The following MYT1L variants were observed in gnomAD, a reference collection of about 807,000 sequenced individuals.
The protein encoded by MYT1L is myelin transcription factor 1-like protein.
MYT1L carries 12 observed loss-of-function variants against 126.7 expected under a neutral mutation model. That is an observed-to-expected ratio of 0.09 (90% confidence interval 0.06 to 0.15). MYT1L has a LOEUF of 0.15. Ranked by LOEUF, MYT1L falls within the 10% of genes least tolerant of loss-of-function variation. MYT1L has a pLI of 1.00. For missense variants in MYT1L, 979 were observed against 1,585.2 expected, an observed-to-expected ratio of 0.62 and a Z score of 6.49; for synonymous variants, 541 against 604.2, an observed-to-expected ratio of 0.90 and a Z score of 1.53.
At chr2:2,231,065 A>G (rs1266853217) in intron 2 of MYT1L, among the ~76,000 whole-genome samples, 1 of 152,202 alleles carries the variant, frequency 6.6e-6, no homozygotes, top group Non-Finnish European at 1.5e-5. Context: ...ACTTCAAAAT[A>G]GGAATCAACA....
intron 2 of MYT1L, among the ~76,000 whole-genome samples, chr2:2,237,809 T>C (rs2094354573): frequency 3.3e-5 from 5 of 152,220 alleles, no homozygotes; most frequent in Admixed American, 3.3e-4. Flanking sequence ...AGATGGCATC[T>C]GCACCTGGGT....
intron 1 of MYT1L, among the ~76,000 whole-genome samples, chr2:2,316,616 C>A (rs2096068484): frequency 6.6e-6 from 1 of 152,170 alleles, no homozygotes; most frequent in East Asian, 1.9e-4. Context: ...GCAGAGCTGC[C>A]ACGGCACGTA....
At position 1,791,986 on chromosome 2, in the gene MYT1L, A is replaced by C; in HGVS notation, c.3442T>G (p.Phe1148Val). ...GTCAAAGTAGTCACGTAAGCATCAAAATTTTGTTCATTGATTGGATCCTAC... is the reference window on the plus strand; with the variant it reads ...GTCAAAGTAGTCACGTAAGCATCAACATTTTGTTCATTGATTGGATCCTAC... ...PHMDPINEQNFDAYVTTLTEM... is the reference protein window; with the variant it reads ...PHMDPINEQNVDAYVTTLTEM... Residue 1148 changes from phenylalanine (F) to valine (V), a missense_variant, in exon 25 of 25, where the codon TTT (phenylalanine) becomes GTT (valine). Around this residue, in one of 12 missense-constraint regions of MYT1L, gnomAD observed 179 missense variants for 398.6 expected, o/e 0.45. Coordinates refer to ENST00000647738, the MANE Select transcript of MYT1L (RefSeq NM_001303052.2). The surrounding 1 kb of genome is among the most constrained non-coding windows in gnomAD (Gnocchi z 6.0). 1 of 1,603,312 alleles carries C rather than the reference A, an allele frequency of 6.2e-7. No homozygotes were observed. The highest frequency in any genetic ancestry group is 2.2e-5 in the East Asian group (1 of 44,828).
At chr2:2,246,517 G>T (rs999960687) in intron 2 of MYT1L, among the ~76,000 whole-genome samples, 15 of 152,264 alleles carry the variant, frequency 9.9e-5, no homozygotes, top group Non-Finnish European at 1.2e-4. Flanking sequence ...CATGAGACAG[G>T]GGTCCCTGTA....
At chr2:1,865,803 C>T (rs1172692685) in intron 18 of MYT1L, among the ~76,000 whole-genome samples, 1 of 152,104 alleles carries the variant, frequency 6.6e-6, no homozygotes, top group Non-Finnish European at 1.5e-5. Flanking sequence ...TAGACGACCC[C>T]ATGAGAAGAG....
chr2:1,819,486 C>T (rs1417417517), intron 21 of MYT1L, among the ~76,000 whole-genome samples: 3 of 152,226 alleles, frequency 2.0e-5, no homozygotes, highest in Non-Finnish European at 4.4e-5. Context: ...CCAGACCATA[C>T]AGTCAGAAAA....
chr2:2,314,988 A>T (rs886261069), intron 1 of MYT1L, among the ~76,000 whole-genome samples: 4 of 152,220 alleles, frequency 2.6e-5, no homozygotes, highest in South Asian at 2.1e-4. Context: ...AGAAAATTGA[A>T]ACTGGACCCC....
intron 3 of MYT1L, among the ~76,000 whole-genome samples, chr2:2,163,067 T>C (rs2088291346): frequency 1.3e-5 from 2 of 152,214 alleles, no homozygotes; most frequent in African/African-American, 4.8e-5. Context: ...AAATAAGATC[T>C]TGGCTAAGTG....
At chr2:1,863,271 G>T (rs2044959291) in intron 18 of MYT1L, among the ~76,000 whole-genome samples, 1 of 152,192 alleles carries the variant, frequency 6.6e-6, no homozygotes. Context: ...GGGACTATAA[G>T]CCAAGGTGCT....
chr2:2,135,471 G>A (rs1020294848), intron 3 of MYT1L, among the ~76,000 whole-genome samples: 11 of 152,180 alleles, frequency 7.2e-5, no homozygotes, highest in African/African-American at 2.7e-4. Flanking sequence ...TTAGCAGCAT[G>A]AGAACAGGCT....
rs1322897936 is a variant in MYT1L, at chr2:1,892,361, G to A, written c.2033-74C>T. ...CGGCAGACAGCACACGGCAGGGCCTGCCCGCCCCGGCCTCAGCCACACACA... is the reference window on the plus strand; with the variant it reads ...CGGCAGACAGCACACGGCAGGGCCTACCCGCCCCGGCCTCAGCCACACACA... On this transcript the variant is annotated intron_variant, in intron 14 of 24. Transcript: ENST00000647738. 3.4e-6 allele frequency: 5 copies of A among 1,491,770 alleles called. No homozygotes were observed. In the African/African-American group the frequency reaches 5.6e-5, roughly 17 times the overall value. 92.4% of individuals were successfully genotyped at this position (1,491,770 alleles called of 1,614,324 possible). A position where few individuals can be genotyped will look rare whatever the true frequency, so the allele number is the denominator to read the frequency against.
Position 1,887,930 on chromosome 2 carries a change from T to C in MYT1L, c.2521-321A>G, listed in dbSNP as rs999349490. Reference sequence around the variant, plus strand: ...TTAACTTGGTCTTCCTCATCCAGCATTCAGCACACACCTGTGGGTGGCTGC... The same window carrying C: ...TTAACTTGGTCTTCCTCATCCAGCACTCAGCACACACCTGTGGGTGGCTGC... On this transcript the variant is annotated intron_variant, in intron 16 of 24. Transcript: ENST00000647738. The surrounding 1 kb of genome is among the most constrained non-coding windows in gnomAD (Gnocchi z 4.8). Among the ~76,000 whole-genome samples the C allele has an allele frequency of 2.6e-5, 4 of 152,194 alleles. No individual in the cohort carries two copies. Among genetic ancestry groups the C allele is most frequent in the Non-Finnish European group, 5.9e-5 (4 of 68,030 alleles).
At chr2:1,913,236 C>T (rs1018752891) in intron 11 of MYT1L, among the ~76,000 whole-genome samples, 1 of 152,236 alleles carries the variant, frequency 6.6e-6, no homozygotes, top group African/African-American at 2.4e-5. Flanking sequence ...CTTCTTACTG[C>T]TGGGCAGTCC....
At chr2:2,313,910 T>C (rs2096018686) in intron 1 of MYT1L, among the ~76,000 whole-genome samples, 1 of 152,168 alleles carries the variant, frequency 6.6e-6, no homozygotes, top group South Asian at 2.1e-4. Context: ...TTAGAGACCA[T>C]TATATGTTTA....
chr2:2,316,244 T>A (rs1328153179), intron 1 of MYT1L, among the ~76,000 whole-genome samples: 2 of 152,202 alleles, frequency 1.3e-5, no homozygotes, highest in Admixed American at 1.3e-4. Context: ...GGGGACAATA[T>A]TCAGGCCCAC....
chr2:1,866,918 G>A (rs1401353412), intron 18 of MYT1L, among the ~76,000 whole-genome samples: 1 of 144,018 alleles, frequency 6.9e-6, no homozygotes, highest in African/African-American at 2.6e-5. Context: ...GGCAGGCAGA[G>A]AGTGAGAGGG....
At chr2:2,042,689 C>T (rs1014338914) in intron 4 of MYT1L, among the ~76,000 whole-genome samples, 13 of 152,164 alleles carry the variant, frequency 8.5e-5, no homozygotes, top group African/African-American at 2.4e-4. Context: ...TCCCGGCCTC[C>T]CTGTCACCCA....
chr2:2,268,074 T>C (rs1281574719), intron 2 of MYT1L, among the ~76,000 whole-genome samples: 1 of 152,144 alleles, frequency 6.6e-6, no homozygotes, highest in Non-Finnish European at 1.5e-5. Context: ...AACAGACTTA[T>C]AAGATAAGAT....
chr2:2,222,055 G>T (rs2093888523), intron 2 of MYT1L, among the ~76,000 whole-genome samples: 1 of 151,978 alleles, frequency 6.6e-6, no homozygotes, highest in Non-Finnish European at 1.5e-5. Context: ...GCAGTTAATT[G>T]GTAAATCCAT....
Sources: gnomAD v4.1 joint callset for allele counts (sites outside exome capture counted in the v4.1 genomes callset) on GRCh38, gnomAD v4.1.1 for gene constraint, gnomAD v4.1.1 regional missense constraint, Gnocchi (gnomAD v3.1) non-coding constraint, MANE v1.5 for transcripts, NCBI Gene and HGNC (gene_info 2026-07-23, HGNC 2026-07-21) for gene names.